Variants in ANLN observed in about 807,000 individuals in gnomAD.
ANLN encodes the protein anillin, actin binding protein, also known as anillin.
In ANLN, 59 loss-of-function variants were observed where a neutral mutation model predicts 135.1. The observed-to-expected ratio is 0.44, with a 90% confidence interval of 0.35 to 0.54. The LOEUF is 0.54. Among genes scored for constraint, ANLN ranks in the 20% least tolerant of loss-of-function variants. The pLI is 0.00. For missense variants in ANLN, 1,182 were observed against 1,340.0 expected (o/e 0.88, Z 1.84); for synonymous variants, 406 against 456.4 (o/e 0.89, Z 1.41).
At chr7:36,446,988 G>T (rs1293701527) in intron 22 of ANLN, among the ~76,000 whole-genome samples, 1 of 152,062 alleles carries the variant, frequency 6.6e-6, no homozygotes, top group Non-Finnish European at 1.5e-5. Flanking sequence ...ATCCTTAGTG[G>T]ACGCGTTCCA....
At chr7:36,403,797 G>A (rs562649457) in intron 3 of ANLN, among the ~76,000 whole-genome samples, 9 of 152,118 alleles carry the variant, frequency 5.9e-5, no homozygotes, top group African/African-American at 1.7e-4. Flanking sequence ...GACTATAGGC[G>A]CATCACCAAG....
At chr7:36,445,161 C>CTTTTTTTTTTTTTT (rs70977145) in intron 22 of ANLN, among the ~76,000 whole-genome samples, 5 of 57,822 alleles carry the variant, frequency 8.6e-5, no homozygotes, top group African/African-American at 1.4e-4. Flanking sequence ...ATTTGGGATT[C>CTTTTTTTTTTTTTT]TTTTTTTTTT....
chr7:36,406,634 G>A (rs765376512), intron 4 of ANLN, 68 bp downstream of exon 4: 7 of 1,349,156 alleles, frequency 5.2e-6, no homozygotes, highest in Non-Finnish European at 6.8e-6. Flanking sequence ...TAATACATCT[G>A]TGTGTATGTG....
At chr7:36,407,218 A>G (rs1271963002) in intron 4 of ANLN, among the ~76,000 whole-genome samples, 3 of 152,194 alleles carry the variant, frequency 2.0e-5, no homozygotes, top group Non-Finnish European at 4.4e-5. Context: ...GGTGCTTAAT[A>G]TTGCAGGGCT....
intron 5 of ANLN, 83 bp downstream of exon 5, chr7:36,408,039 T>TGG: frequency 9.0e-7 from 1 of 1,116,708 alleles, no homozygotes; most frequent in Non-Finnish European, 1.3e-6. Context: ...CAATTGTGAA[T>TGG]GGTACAGCAA....
rs1310573295 is a variant in ANLN at position 36,431,598 on chromosome 7, TATATATATATATATATATA to T, written c.2883+4587_2883+4605del. On this transcript the variant is annotated intron_variant, in intron 20 of 23. Transcript: ENST00000265748. Reference sequence around the variant, plus strand: ...GTGTGTGTGTGTGTGTGTGTGTGTGTATATATATATATATATATAATATATATATATATATTACCATTTT... The same window carrying T: ...GTGTGTGTGTGTGTGTGTGTGTGTGTATATATATATATATATTACCATTTT... 3.5e-3 allele frequency among the ~76,000 whole-genome samples: 26 copies of T among 7,400 alleles called. No homozygotes were observed. The East Asian group carries it at 0.18, about 52-fold the overall frequency. The allele number at this position is 7,400 out of a possible 152,430, so 4.9% of individuals were successfully genotyped here.
At chr7:36,395,805 C>CTGAT (rs886643400) in intron 1 of ANLN, among the ~76,000 whole-genome samples, 19 of 151,894 alleles carry the variant, frequency 1.3e-4, no homozygotes, top group Non-Finnish European at 1.8e-4. Flanking sequence ...TGATACTGAC[C>CTGAT]ATCACCTGGG....
intron 22 of ANLN, among the ~76,000 whole-genome samples, chr7:36,445,643 T>G (rs2116813846): frequency 6.6e-6 from 1 of 152,364 alleles, no homozygotes; most frequent in East Asian, 1.9e-4. Flanking sequence ...ATTCACTTTC[T>G]TCTCATTTTG....
At chr7:36,448,089 A>C (rs531160322) in intron 22 of ANLN, among the ~76,000 whole-genome samples, 260 of 151,996 alleles carry the variant, frequency 1.7e-3, no homozygotes, top group Middle Eastern at 0.01. Context: ...ATCTCGGCTC[A>C]CTGCAACCTT....
chr7:36,396,451 A>G (rs200140060), intron 2 of ANLN, 32 bp downstream of exon 2: 62 of 1,531,268 alleles, frequency 4.0e-5, no homozygotes, highest in Middle Eastern at 1.8e-4. Flanking sequence ...AATAACATTT[A>G]CTTTTTTTTT....
Position 36,416,466 on chromosome 7 carries a change from CT to C in ANLN, c.1522+585del, listed in dbSNP as rs1463179569. Among the ~76,000 whole-genome samples, 24 of 152,306 alleles carry C rather than the reference CT, an allele frequency of 1.6e-4. No homozygotes were observed. In the East Asian group the frequency reaches 4.6e-3, roughly 29 times the overall value. On this transcript the variant is annotated intron_variant, in intron 8 of 23. Coordinates refer to ENST00000265748, the MANE Select transcript of ANLN (RefSeq NM_018685.5). ...GAATAGAAGTCATTAAAACAGGCATCTTTGTCTTGTTCCTCATCTTAAAGGA... is the reference window on the plus strand; with the variant it reads ...GAATAGAAGTCATTAAAACAGGCATCTTGTCTTGTTCCTCATCTTAAAGGA...
chr7:36,442,515 G>A (rs1462000224), intron 21 of ANLN, among the ~76,000 whole-genome samples: 2 of 152,082 alleles, frequency 1.3e-5, no homozygotes, highest in African/African-American at 4.8e-5. Context: ...TTTACTCTCT[G>A]GCCCTTATAG....
chr7:36,410,285 T>C (rs575417430), intron 5 of ANLN, among the ~76,000 whole-genome samples: 1 of 152,214 alleles, frequency 6.6e-6, no homozygotes, highest in Non-Finnish European at 1.5e-5. Context: ...CAAAATTTTT[T>C]TTTTTTTTTA....
chr7:36,429,604 A>AT (rs753156595), intron 20 of ANLN, among the ~76,000 whole-genome samples: 24 of 152,132 alleles, frequency 1.6e-4, no homozygotes, highest in Admixed American at 3.3e-4. Flanking sequence ...GCTGGATGGT[A>AT]TTTTTTATTT....
chr7:36,442,968 G>A (rs1049663660), intron 21 of ANLN, among the ~76,000 whole-genome samples: 1 of 151,752 alleles, frequency 6.6e-6, no homozygotes, highest in Non-Finnish European at 1.5e-5. Flanking sequence ...TAAAAGTGAG[G>A]GCTTCTATAT....
intron 5 of ANLN, among the ~76,000 whole-genome samples, chr7:36,408,723 C>T (rs774445874): frequency 8.5e-5 from 13 of 152,078 alleles, no homozygotes; most frequent in Admixed American, 1.3e-4. Context: ...TCTCTTCATC[C>T]CCCAGTTATA....
At chr7:36,394,450 A>T (rs1786610763) in intron 1 of ANLN, among the ~76,000 whole-genome samples, 1 of 152,128 alleles carries the variant, frequency 6.6e-6, no homozygotes, top group Admixed American at 6.5e-5. Flanking sequence ...GGGGGAAATT[A>T]TCGGACATAT....
At chr7:36,420,436 C>A in intron 11 of ANLN, 122 bp downstream of exon 11, 11 of 1,366,380 alleles carry the variant, frequency 8.1e-6, no homozygotes, top group Non-Finnish European at 1.1e-5. Context: ...TTTGGAATAA[C>A]TTTTGTTAGC....
At chr7:36,432,242 C>A (rs1287053135) in intron 20 of ANLN, among the ~76,000 whole-genome samples, 1 of 152,130 alleles carries the variant, frequency 6.6e-6, no homozygotes, top group East Asian at 1.9e-4. Context: ...AAAACAATAA[C>A]AAAAAACAAA....
Sources: gnomAD v4.1 joint callset for allele counts (sites outside exome capture counted in the v4.1 genomes callset) on GRCh38, gnomAD v4.1.1 for gene constraint, MANE v1.5 for transcripts, NCBI Gene and HGNC (gene_info 2026-07-23, HGNC 2026-07-21) for gene names.